Variants in NPAS3 observed in about 807,000 individuals in gnomAD.
NPAS3 encodes the protein neuronal PAS domain protein 3.
In NPAS3, 14 loss-of-function variants were observed where a neutral mutation model predicts 73.1. The ratio of observed to expected loss-of-function variants is 0.19; its 90% CI spans 0.13 to 0.30. NPAS3 has a LOEUF of 0.30. NPAS3 is among the 10% of genes least tolerant of loss of function. The pLI is 1.00. For synonymous variants in NPAS3, 620 were observed against 541.5 expected, an observed-to-expected ratio of 1.14 and a Z score of -2.01; for missense variants, 1,096 against 1,250.0, an observed-to-expected ratio of 0.88 and a Z score of 1.86.
At chr14:33,737,063 C>A (rs776964704) in intron 7 of NPAS3, among the ~76,000 whole-genome samples, 3 of 152,138 alleles carry the variant, frequency 2.0e-5, no homozygotes, top group Non-Finnish European at 2.9e-5. Flanking sequence ...AACTAATTAG[C>A]ATTCTCAATG....
intron 4 of NPAS3, among the ~76,000 whole-genome samples, chr14:33,449,631 GCACACA>G (rs35853342): frequency 2.7e-4 from 40 of 148,644 alleles, no homozygotes; most frequent in African/African-American, 9.3e-4. Flanking sequence ...GCACACACAT[GCACACA>G]CACACACACA....
chr14:33,246,068 G>T (rs2048363291), intron 3 of NPAS3, among the ~76,000 whole-genome samples: 1 of 152,114 alleles, frequency 6.6e-6, no homozygotes, highest in Non-Finnish European at 1.5e-5. Context: ...CTTGAGGTCA[G>T]AGCTTGGCTT....
intron 4 of NPAS3, among the ~76,000 whole-genome samples, chr14:33,440,975 T>C (rs576855392): frequency 6.6e-6 from 1 of 152,246 alleles, no homozygotes; most frequent in Admixed American, 6.5e-5. Context: ...AAGAATGTTT[T>C]CCTAGTGTGC....
intron 2 of NPAS3, among the ~76,000 whole-genome samples, chr14:33,096,286 G>A (rs928020214): frequency 1.3e-5 from 2 of 152,004 alleles, no homozygotes; most frequent in African/African-American, 4.8e-5. Context: ...GTAAAAAGTT[G>A]AATAGCTCAG....
chr14:33,611,246 G>T (rs906350736), intron 5 of NPAS3: 2 of 150,834 alleles, frequency 1.3e-5, no homozygotes, highest in Admixed American at 1.3e-4. Context: ...AATAGGTTTT[G>T]TAAACTACCA....
At chr14:33,692,381 CGT>C (rs1244879823) in intron 6 of NPAS3, among the ~76,000 whole-genome samples, 6 of 152,066 alleles carry the variant, frequency 3.9e-5, no homozygotes, top group African/African-American at 1.4e-4. Context: ...CTGAGCTTGA[CGT>C]ATATTAATTT....
At chr14:33,045,834 C>T (rs2040489027) in intron 1 of NPAS3, among the ~76,000 whole-genome samples, 1 of 152,056 alleles carries the variant, frequency 6.6e-6, no homozygotes, top group Admixed American at 6.6e-5. Flanking sequence ...TTTTCAGAAC[C>T]TTTAAATTAA....
intron 2 of NPAS3, among the ~76,000 whole-genome samples, chr14:33,119,330 A>G (rs1019685773): frequency 1.3e-5 from 2 of 152,082 alleles, no homozygotes; most frequent in African/African-American, 2.4e-5. Context: ...AATGATACGT[A>G]AGACAGAAAT....
chr14:33,630,695 G>A (rs1241450756), intron 5 of NPAS3, among the ~76,000 whole-genome samples: 1 of 152,138 alleles, frequency 6.6e-6, no homozygotes, highest in Non-Finnish European at 1.5e-5. Flanking sequence ...AACCTATGGA[G>A]AATCCTGATT....
chr14:33,669,064 G>A (rs1460488619), intron 5 of NPAS3, among the ~76,000 whole-genome samples: 2 of 152,140 alleles, frequency 1.3e-5, no homozygotes, highest in East Asian at 3.9e-4. Context: ...GATTAACTAT[G>A]CCAATATCAA....
intron 3 of NPAS3, among the ~76,000 whole-genome samples, chr14:33,338,825 A>G (rs1350541931): frequency 6.6e-6 from 1 of 152,198 alleles, no homozygotes; most frequent in Non-Finnish European, 1.5e-5. Flanking sequence ...AAGACATCCC[A>G]TACTCAAACA....
intron 4 of NPAS3, among the ~76,000 whole-genome samples, chr14:33,451,840 A>G (rs2049805783): frequency 6.6e-6 from 1 of 152,190 alleles, no homozygotes; most frequent in African/African-American, 2.4e-5. Context: ...CAAGATTCTT[A>G]AACTGTTGAA....
chr14:33,770,621 A>G (rs1001732999), intron 7 of NPAS3, among the ~76,000 whole-genome samples: 2 of 152,260 alleles, frequency 1.3e-5, no homozygotes, highest in East Asian at 3.9e-4. Context: ...TTTATTCAGA[A>G]AAAAAGAACT....
At chr14:33,423,319 G>A (rs2048429075) in intron 4 of NPAS3, among the ~76,000 whole-genome samples, 1 of 151,904 alleles carries the variant, frequency 6.6e-6, no homozygotes, top group Non-Finnish European at 1.5e-5. Flanking sequence ...ATTTAATTTT[G>A]TTTAATTTAT....
chr14:33,082,006 C>T (rs536807178), intron 2 of NPAS3, among the ~76,000 whole-genome samples: 1 of 152,110 alleles, frequency 6.6e-6, no homozygotes, highest in Non-Finnish European at 1.5e-5. Flanking sequence ...CAATTGTCCT[C>T]GATGATTGGT....
chr14:33,577,422 G>A (rs184656154), intron 5 of NPAS3, among the ~76,000 whole-genome samples: 47 of 152,140 alleles, frequency 3.1e-4, no homozygotes, highest in African/African-American at 1.0e-3. Context: ...AGCCCATCAC[G>A]GACTCTATGG....
chr14:33,746,281 C>T (rs546893143), intron 7 of NPAS3, among the ~76,000 whole-genome samples: 261 of 151,618 alleles, frequency 1.7e-3, no homozygotes, highest in African/African-American at 6.0e-3. Flanking sequence ...CTCTGCTTCC[C>T]GGGTTCAAGC....
intron 2 of NPAS3, among the ~76,000 whole-genome samples, chr14:33,186,689 G>C (rs576529011): frequency 2.0e-5 from 3 of 152,184 alleles, no homozygotes; most frequent in Non-Finnish European, 4.4e-5. Context: ...CTGTATCCTT[G>C]CTACTGTTCA....
At chr14:33,083,233 CCT>C (rs2041920934) in intron 2 of NPAS3, among the ~76,000 whole-genome samples, 2 of 139,960 alleles carry the variant, frequency 1.4e-5, no homozygotes, top group Admixed American at 7.3e-5. Flanking sequence ...TTTGCCTTTG[CCT>C]CCACTCCATG....
Sources: gnomAD v4.1 joint callset for allele counts (sites outside exome capture counted in the v4.1 genomes callset) on GRCh38, gnomAD v4.1.1 for gene constraint, MANE v1.5 for transcripts, NCBI Gene and HGNC (gene_info 2026-07-23, HGNC 2026-07-21) for gene names.